Variants in SARDH observed in about 807,000 individuals in gnomAD.
The protein encoded by SARDH is sarcosine dehydrogenase, mitochondrial.
SARDH carries 95 observed loss-of-function variants against 109.1 expected under a neutral mutation model. That is an observed-to-expected ratio of 0.87 (90% CI 0.74 to 1.03). SARDH has a LOEUF of 1.03. SARDH is among the 50% of genes least tolerant of loss of function. The pLI is 0.00. For missense variants in SARDH, 1,267 were observed against 1,287.8 expected (o/e 0.98, Z 0.25); for synonymous variants, 572 against 534.8 (o/e 1.07, Z -0.96).
chr9:133,695,239 T>C (rs1831241251), intron 14 of SARDH, among the ~76,000 whole-genome samples: 1 of 152,058 alleles, frequency 6.6e-6, no homozygotes, highest in Admixed American at 6.6e-5. Context: ...GGTCAGGAGT[T>C]TCAGACCAGC....
At chr9:133,729,178 A>G (rs1832588885) in intron 6 of SARDH, among the ~76,000 whole-genome samples, 2 of 152,056 alleles carry the variant, frequency 1.3e-5, no homozygotes, top group African/African-American at 2.4e-5. Context: ...GGAGGGTTGC[A>G]TGATGAACGG....
At chr9:133,696,895 C>T (rs1831307457) in intron 13 of SARDH, among the ~76,000 whole-genome samples, 1 of 151,962 alleles carries the variant, frequency 6.6e-6, no homozygotes, top group Admixed American at 6.6e-5. Context: ...AATCAATAGC[C>T]CAATCTTCCA....
chr9:133,739,713 T>C, upstream of SARDH: 1 of 152,626 alleles, frequency 6.6e-6, no homozygotes, highest in Non-Finnish European at 1.5e-5. Flanking sequence ...GTGGGGGTCC[T>C]GGGGCAGAGG....
At position 133,663,916 on chromosome 9, in the gene SARDH, G is replaced by A. The variant is rs1829965903; in HGVS notation, c.2730C>T (p.Asn910=). 1 of 1,614,068 alleles carries A rather than the reference G, an allele frequency of 6.2e-7. No individual in the cohort carries two copies. The change falls in exon 21 of 21, where the codon AAC becomes AAT. Residue 910 remains asparagine, a synonymous_variant. Coordinates refer to ENST00000439388, the MANE Select transcript of SARDH (RefSeq NM_001134707.2). ...AGTAGATTCCCTTCACCCTCTTGTT[G>A]TTGGGGTCGAAGGGCGACTTCAGGT... The part of the protein sequence containing the change: ...QAHLKSPFDP[N]NKRVKGIY
intron 1 of SARDH, among the ~76,000 whole-genome samples, chr9:133,737,373 C>T (rs117387404): frequency 2.4e-4 from 36 of 152,328 alleles, no homozygotes; most frequent in Admixed American, 5.9e-4. Context: ...GCCCGCCTGG[C>T]TCCTGCCTGC....
chr9:133,720,397 C>T (rs1183558885), intron 6 of SARDH, among the ~76,000 whole-genome samples: 1 of 152,234 alleles, frequency 6.6e-6, no homozygotes, highest in Admixed American at 6.5e-5. Context: ...CATTGCACTC[C>T]AGCCTGGGCA....
intron 20 of SARDH, among the ~76,000 whole-genome samples, chr9:133,665,705 C>T (rs897409338): frequency 3.9e-5 from 6 of 152,230 alleles, no homozygotes; most frequent in South Asian, 2.1e-4. Context: ...CGAGGCCTGG[C>T]GGTGTCCCCT....
intron 19 of SARDH, chr9:133,667,152 G>A: frequency 1.8e-6 from 1 of 563,354 alleles, no homozygotes; most frequent in Non-Finnish European, 3.1e-6. Context: ...ATATTTGGGA[G>A]GGCCCCTGCT....
rs1048029855 is a variant in SARDH at position 133,728,477 on chromosome 9, C to T, written c.915+1288G>A. Among the ~76,000 whole-genome samples, 10 of 152,306 alleles carry T rather than the reference C, an allele frequency of 6.6e-5. No homozygotes were observed. Among genetic ancestry groups the T allele is most frequent in the East Asian group, 3.9e-4 (2 of 5,182 alleles). ...CAGCCTCTGGCCCTGGCTCTCTGAA[C>T]GGCCATGCTCTGTGCACGCTCCTTG... On this transcript the variant is annotated intron_variant, in intron 6 of 20. Coordinates refer to ENST00000439388, the MANE Select transcript of SARDH (RefSeq NM_001134707.2). This position sits in a 1 kb window ranked among gnomAD's most constrained non-coding sequence, Gnocchi z 5.0.
rs375785612 is a variant in SARDH at position 133,731,460 on chromosome 9, A to T, written c.535T>A (p.Ser179Thr). 3.7e-6 allele frequency: 6 copies of T among 1,613,906 alleles called. No individual in the cohort carries two copies. The highest frequency in any genetic ancestry group is 1.1e-5 in the South Asian group (1 of 91,076). Residue 179 changes from serine to threonine, a missense_variant, in exon 4 of 21, where the codon TCC becomes ACC. Coordinates refer to ENST00000439388, the MANE Select transcript of SARDH (RefSeq NM_001134707.2). ...GTCTCTGCCGGGCTCAGCACATGGGATTCCACACCATACGCCTTGCCCAGC... is the reference window on the plus strand; with the variant it reads ...GTCTCTGCCGGGCTCAGCACATGGGTTTCCACACCATACGCCTTGCCCAGC... ...MSLGKAYGVE[S>T]HVLSPAETKT...
At chr9:133,715,689 G>A (rs539885105) in intron 8 of SARDH, among the ~76,000 whole-genome samples, 2 of 152,264 alleles carry the variant, frequency 1.3e-5, no homozygotes, top group South Asian at 2.1e-4. Flanking sequence ...TGCATGGCCC[G>A]TGGAAGTCCC....
chr9:133,682,140 G>A (rs944516131), intron 17 of SARDH, among the ~76,000 whole-genome samples: 17 of 152,174 alleles, frequency 1.1e-4, no homozygotes, highest in Admixed American at 4.6e-4. Flanking sequence ...CTGGGAGGAC[G>A]GTGTTCAAGG....
At position 133,666,664 on chromosome 9, in the gene SARDH, G is replaced by A. The variant is rs1830075968; in HGVS notation, c.2631+71C>T. ...CTATGCCCGGCACACTCAGGGTGCA[G>A]TGCAGGGAGCTGGTTTGGAGCTGGT... On this transcript the variant is annotated intron_variant, in intron 20 of 20. Coordinates refer to ENST00000439388, the MANE Select transcript of SARDH (RefSeq NM_001134707.2). This position sits in a 1 kb window ranked among gnomAD's most constrained non-coding sequence, Gnocchi z 5.2. The A allele has an allele frequency of 2.1e-5, 33 of 1,545,512 alleles. No individual in the cohort carries two copies. The South Asian group carries it at 3.9e-4, about 18-fold the overall frequency.
At chr9:133,671,352 G>C (rs1284469726) in intron 18 of SARDH, among the ~76,000 whole-genome samples, 183 bp downstream of exon 18, 4 of 152,168 alleles carry the variant, frequency 2.6e-5, no homozygotes, top group Admixed American at 2.6e-4. Context: ...GGCAGCAAGA[G>C]GTTTTGGGGA....
chr9:133,664,827 C>G (rs770699922), intron 20 of SARDH, among the ~76,000 whole-genome samples: 20 of 152,210 alleles, frequency 1.3e-4, no homozygotes, highest in South Asian at 4.1e-4. Context: ...ACCTGCAGGG[C>G]TGAGAGCTCT....
chr9:133,671,474 G>A (rs531699584), intron 18 of SARDH, 61 bp downstream of exon 18: 31 of 1,482,256 alleles, frequency 2.1e-5, no homozygotes, highest in Middle Eastern at 2.3e-4. Context: ...CAGGTGTCTC[G>A]AGCGTCACTG....
rs1831842276 is a variant in SARDH at position 133,709,645 on chromosome 9, G to T, written c.1329-1217C>A. 6.6e-6 allele frequency among the ~76,000 whole-genome samples: 1 copy of T among 152,058 alleles called. No homozygotes were observed. Among genetic ancestry groups the T allele is most frequent in the South Asian group, 2.1e-4 (1 of 4,824 alleles). On this transcript the variant is annotated intron_variant, in intron 10 of 20. Coordinates refer to ENST00000439388, the MANE Select transcript of SARDH (RefSeq NM_001134707.2). This position sits in a 1 kb window ranked among gnomAD's most constrained non-coding sequence, Gnocchi z 4.2. ...TGGGGAGTAGAGGTGCAGACGTGAG[G>T]ATTATTATTAATGATATTATCATTA...
chr9:133,732,467 C>A lies in SARDH; in HGVS notation c.466G>T (p.Ala156Ser). Residue 156 changes from alanine to serine, a missense_variant, in exon 3 of 21, where the codon GCG (alanine) becomes TCG (serine). Transcript: ENST00000439388. ...TCGTCCAGGCGCTGCCGGTTGGACG[C>A]GATGAAGAGGCCCCCATTCTGGATC... ...GWIQNGGLFI[A>S]SNRQRLDEYK... 6.2e-7 allele frequency: 1 copy of A among 1,606,178 alleles called. No individual in the cohort carries two copies. The highest frequency in any genetic ancestry group is 8.5e-7 in the Non-Finnish European group (1 of 1,175,586).
intron 6 of SARDH, among the ~76,000 whole-genome samples, chr9:133,725,014 G>A (rs1321732764): frequency 6.6e-6 from 1 of 152,134 alleles, no homozygotes; most frequent in East Asian, 1.9e-4. Flanking sequence ...GTGGGTGAAC[G>A]GATAAAGTGC....
Sources: allele counts gnomAD v4.1 joint callset (sites outside exome capture counted in the v4.1 genomes callset), GRCh38; gene constraint gnomAD v4.1.1; non-coding constraint Gnocchi (gnomAD v3.1); transcripts MANE v1.5; gene names NCBI Gene and HGNC (gene_info 2026-07-23, HGNC 2026-07-21).